Variants in VIPAS39 observed in about 807,000 individuals in gnomAD.
VIPAS39 encodes VPS33B interacting protein, apical-basolateral polarity regulator, spe-39 homolog.
In VIPAS39, 63 loss-of-function variants were observed where a neutral mutation model predicts 84.7. That is an observed-to-expected ratio of 0.74 (90% confidence interval 0.61 to 0.92). VIPAS39 has a LOEUF of 0.92. Ranked by LOEUF, VIPAS39 falls within the 40% of genes least tolerant of loss-of-function variation. The pLI is 0.00. For synonymous variants in VIPAS39, 192 were observed against 216.5 expected, an observed-to-expected ratio of 0.89 and a Z score of 0.99; for missense variants, 499 against 604.5, an observed-to-expected ratio of 0.83 and a Z score of 1.83.
At chr14:77,441,372 G>GT (rs34716621) in intron 10 of VIPAS39, among the ~76,000 whole-genome samples, 40 of 149,220 alleles carry the variant, frequency 2.7e-4, no homozygotes, top group Middle Eastern at 3.4e-3. Flanking sequence ...CTTGGTTGTT[G>GT]TTTTTTTTTT....
intron 4 of VIPAS39, 66 bp from the exon 5 acceptor site, chr14:77,449,818 A>G: frequency 6.3e-7 from 1 of 1,580,348 alleles, no homozygotes; most frequent in East Asian, 2.2e-5. Context: ...AGGCTTGGTT[A>G]AAGACACAAT....
chr14:77,445,782 T>C (rs2078778726), intron 7 of VIPAS39, among the ~76,000 whole-genome samples: 1 of 151,906 alleles, frequency 6.6e-6, no homozygotes, highest in South Asian at 2.1e-4. Context: ...CTACTAAAAA[T>C]ACAAAAATTA....
At position 77,437,795 on chromosome 14, in the gene VIPAS39, C is replaced by G; in HGVS notation, c.836+13G>C. 6.2e-7 allele frequency: 1 copy of G among 1,612,438 alleles called. No individual in the cohort carries two copies. The highest frequency in any genetic ancestry group is 8.5e-7 in the Non-Finnish European group (1 of 1,178,562). The stretch of plus-strand genomic sequence containing the variant: ...GGTATTTATACTTAAAATCATTTTT[C>G]CCCCATACTTACCCAACACAGGTTT... On this transcript the variant is annotated intron_variant, in intron 12 of 19. Coordinates refer to ENST00000557658, the MANE Select transcript of VIPAS39 (RefSeq NM_001193315.2).
chr14:77,438,841 C>A lies in VIPAS39; in HGVS notation c.763-960G>T, dbSNP rs186479637. ...TTCTGACTCACTGTTCATAAATATT[C>A]TCAGATTGAGCCAACAGATGTATAC... is the stretch of plus-strand genomic sequence containing the variant. On this transcript the variant is annotated intron_variant, in intron 11 of 19. Transcript: ENST00000557658. Among the ~76,000 whole-genome samples the A allele has an allele frequency of 4.6e-3, 703 of 152,152 alleles. 1 individual carries two copies. Among genetic ancestry groups the A allele is most frequent in the African/African-American group, 0.016 (673 of 41,504 alleles).
intron 10 of VIPAS39, among the ~76,000 whole-genome samples, chr14:77,441,391 T>C (rs1161648730): frequency 6.6e-6 from 1 of 152,092 alleles, no homozygotes; most frequent in African/African-American, 2.4e-5. Flanking sequence ...TTTCCTAAGA[T>C]TAAAGCACTA....
Position 77,441,098 on chromosome 14 carries a change from G to C in VIPAS39, c.735-5C>G. The stretch of plus-strand genomic sequence containing the variant: ...TCTTCTGTTCTATCTAGGAACCTGG[G>C]AAGAAGCAGAAGGGAGCAGGGCATT... On this transcript the variant is annotated splice_region_variant and splice_polypyrimidine_tract_variant and intron_variant, in intron 10 of 19. Coordinates refer to ENST00000557658, the MANE Select transcript of VIPAS39 (RefSeq NM_001193315.2). 6.2e-7 allele frequency: 1 copy of C among 1,612,094 alleles called. No individual in the cohort carries two copies. The highest frequency in any genetic ancestry group is 8.5e-7 in the Non-Finnish European group (1 of 1,179,632).
intron 4 of VIPAS39, among the ~76,000 whole-genome samples, chr14:77,450,402 G>C (rs1485950585): frequency 1.3e-5 from 2 of 152,086 alleles, no homozygotes; most frequent in Admixed American, 1.3e-4. Flanking sequence ...TCCATCTTTT[G>C]GCTATTGTGA....
chr14:77,437,947 C>T, intron 11 of VIPAS39, 66 bp from the exon 12 acceptor site: 2 of 1,508,906 alleles, frequency 1.3e-6, no homozygotes, highest in Non-Finnish European at 1.8e-6. Flanking sequence ...AGCTGATTAA[C>T]TGAACTTCCC....
At chr14:77,442,740 C>A in intron 9 of VIPAS39, 78 bp from the exon 10 acceptor site, 1 of 1,256,006 alleles carries the variant, frequency 8.0e-7, no homozygotes, top group South Asian at 1.2e-5. Context: ...CCTACTCACA[C>A]ATTCCAAATA....
chr14:77,436,995 G>C (rs1471902815), intron 12 of VIPAS39, among the ~76,000 whole-genome samples: 1 of 152,164 alleles, frequency 6.6e-6, no homozygotes, highest in Non-Finnish European at 1.5e-5. Flanking sequence ...ATAAATTCTA[G>C]TTACTTCACT....
intron 16 of VIPAS39, among the ~76,000 whole-genome samples, chr14:77,431,620 C>T (rs1439583769): frequency 1.3e-5 from 2 of 151,910 alleles, no homozygotes; most frequent in Non-Finnish European, 2.9e-5. Flanking sequence ...CAGTGAGCTA[C>T]GGTCATGCCA....
intron 15 of VIPAS39, 87 bp downstream of exon 15, chr14:77,434,175 A>T: frequency 7.2e-7 from 1 of 1,391,948 alleles, no homozygotes; most frequent in Non-Finnish European, 1.0e-6. Flanking sequence ...ATATCAAAGG[A>T]CACACTGTAC....
At chr14:77,456,079 A>C (rs117307627) in intron 1 of VIPAS39, among the ~76,000 whole-genome samples, 2 of 152,202 alleles carry the variant, frequency 1.3e-5, no homozygotes, top group East Asian at 3.8e-4. Flanking sequence ...AACATCTATA[A>C]AAGTGTCTAG....
intron 1 of VIPAS39, among the ~76,000 whole-genome samples, chr14:77,456,726 A>C (rs913916249): frequency 6.6e-6 from 1 of 152,250 alleles, no homozygotes; most frequent in African/African-American, 2.4e-5. Context: ...GTGTCTAACA[A>C]ACACAATAAT....
At chr14:77,445,210 C>T (rs529372330) in intron 7 of VIPAS39, among the ~76,000 whole-genome samples, 2 of 152,310 alleles carry the variant, frequency 1.3e-5, no homozygotes, top group East Asian at 1.9e-4. Context: ...CCACCTGCCT[C>T]AGCCTCCCAA....
intron 7 of VIPAS39, among the ~76,000 whole-genome samples, chr14:77,446,912 A>G (rs2078799220): frequency 6.6e-6 from 1 of 152,028 alleles, no homozygotes; most frequent in Non-Finnish European, 1.5e-5. Context: ...TCAGGGCTCA[A>G]GCAATCCTTC....
chr14:77,427,769 G>A (rs1317402728), intron 19 of VIPAS39, 133 bp from the exon 20 acceptor site: 5 of 1,195,086 alleles, frequency 4.2e-6, no homozygotes, highest in African/African-American at 1.5e-5. Context: ...AGATCAGGAG[G>A]TGGGGGATGT....
At chr14:77,441,262 G>A in intron 10 of VIPAS39, 169 bp from the exon 11 acceptor site, 2 of 716,284 alleles carry the variant, frequency 2.8e-6, no homozygotes, top group Non-Finnish European at 4.7e-6. Flanking sequence ...CTCTCTGGCT[G>A]AACAAAAAGC....
intron 16 of VIPAS39, among the ~76,000 whole-genome samples, chr14:77,429,974 T>C (rs2078495107): frequency 6.6e-6 from 1 of 152,210 alleles, no homozygotes; most frequent in Non-Finnish European, 1.5e-5. Context: ...ACTTCTTAGA[T>C]CTATAGAAAC....
Sources: allele counts gnomAD v4.1 joint callset (sites outside exome capture counted in the v4.1 genomes callset), GRCh38; gene constraint gnomAD v4.1.1; transcripts MANE v1.5; gene names NCBI Gene and HGNC (gene_info 2026-07-23, HGNC 2026-07-21).